MINAR1: variants seen among roughly 807,000 people sequenced by gnomAD.
MINAR1 encodes membrane integral NOTCH2 associated receptor 1.
Under a neutral mutation model 65.1 loss-of-function variants are expected in MINAR1, and 40 were observed. The observed-to-expected ratio is 0.61, with a 90% CI of 0.48 to 0.80. The LOEUF (loss-of-function observed/expected upper bound fraction) is 0.80, where lower values mean the gene tolerates loss of function less well. MINAR1 is among the 30% of genes least tolerant of loss of function. The pLI, the probability that MINAR1 is intolerant of heterozygous loss-of-function variation, is 0.00. For missense variants in MINAR1, 1,128 were observed against 1,148.0 expected, an observed-to-expected ratio of 0.98 and a Z score of 0.25; for synonymous variants, 482 against 449.1, an observed-to-expected ratio of 1.07 and a Z score of -0.93.
intron 1 of MINAR1, among the ~76,000 whole-genome samples, chr15:79,455,141 A>G (rs939837612): frequency 6.6e-6 from 1 of 152,182 alleles, no homozygotes; most frequent in African/African-American, 2.4e-5. Context: ...AATTCTTTCA[A>G]CTTTGCTGTA....
chr15:79,468,547 A>T lies in MINAR1; in HGVS notation c.*163A>T. 1.5e-6 allele frequency: 1 copy of T among 652,106 alleles called. No individual in the cohort carries two copies. The highest frequency in any genetic ancestry group is 2.6e-6 in the Non-Finnish European group (1 of 384,822). The allele number at this position is 652,106 out of a possible 1,614,324, so 40.4% of individuals were successfully genotyped here. ...GTGGTTTTCAGAAAGTATACATTCT[A>T]GTGAGAAATCTACCTACCTATTAGC... On this transcript the variant is annotated 3_prime_UTR_variant, in exon 4 of 4. Coordinates refer to ENST00000305428, the MANE Select transcript of MINAR1 (RefSeq NM_015206.3).
chr15:79,464,712 T>G (rs1176903347), intron 3 of MINAR1, among the ~76,000 whole-genome samples: 1 of 152,170 alleles, frequency 6.6e-6, no homozygotes, highest in Non-Finnish European at 1.5e-5. Flanking sequence ...ACCCTGACAG[T>G]GAGGGTTGTG....
At chr15:79,440,720 C>T (rs1358677524) in intron 1 of MINAR1, among the ~76,000 whole-genome samples, 1 of 152,196 alleles carries the variant, frequency 6.6e-6, no homozygotes. Context: ...CCTTCAGGAC[C>T]ACATTCAAAG....
Position 79,458,336 on chromosome 15 carries a change from C to T in MINAR1, c.2189C>T (p.Pro730Leu). 1.9e-6 allele frequency: 3 copies of T among 1,614,180 alleles called. No homozygotes were observed. The highest frequency in any genetic ancestry group is 2.5e-6 in the Non-Finnish European group (3 of 1,180,042). ...AAAATTGCCAGCATCTCCAACTCGC[C>T]CAGAGACTGGCGCACCATCACTTAT... ...ESKIASISNSPRDWRTITYTN... is the reference protein window; with the variant it reads ...ESKIASISNSLRDWRTITYTN... The change falls in exon 2 of 4, where the codon CCC (proline) becomes CTC (leucine). Residue 730 changes from proline to leucine, a missense_variant. Transcript: ENST00000305428.
intron 1 of MINAR1, among the ~76,000 whole-genome samples, chr15:79,445,019 G>T (rs558456407): frequency 4.7e-4 from 71 of 152,044 alleles, no homozygotes; most frequent in African/African-American, 1.7e-3. Context: ...ATATTTCCTA[G>T]AAATTTTGTT....
intron 1 of MINAR1, among the ~76,000 whole-genome samples, chr15:79,453,853 A>T (rs1332179165): frequency 6.6e-6 from 1 of 152,182 alleles, no homozygotes; most frequent in Non-Finnish European, 1.5e-5. Context: ...GCAAAGTAGG[A>T]TAGAAAGTTG....
At chr15:79,459,744 T>C (rs1258412348) in intron 2 of MINAR1, among the ~76,000 whole-genome samples, 1 of 152,208 alleles carries the variant, frequency 6.6e-6, no homozygotes, top group African/African-American at 2.4e-5. Flanking sequence ...AAAATCCCCC[T>C]GATTTTAAAT....
chr15:79,436,156 G>A (rs1036620724), intron 1 of MINAR1, among the ~76,000 whole-genome samples: 3 of 152,232 alleles, frequency 2.0e-5, no homozygotes, highest in African/African-American at 7.2e-5. Flanking sequence ...TGGACATGTA[G>A]CATTGATAAT....
the MINAR1 span, chr15:79,414,779 G>A: frequency 0.048 from 7,254 of 152,244 alleles, 191 homozygotes; most frequent in South Asian, 0.079. Context: ...TCAGAGATGA[G>A]TAAGACCCGA....
chr15:79,463,572 G>A, intron 3 of MINAR1: 1 of 652,526 alleles, frequency 1.5e-6, no homozygotes, highest in Non-Finnish European at 2.8e-6. Flanking sequence ...TTTTTTATCG[G>A]CCATCTGATT....
At chr15:79,437,771 T>G (rs1296337912) in intron 1 of MINAR1, among the ~76,000 whole-genome samples, 1 of 31,364 alleles carries the variant, frequency 3.2e-5, no homozygotes, top group Admixed American at 4.7e-4. Context: ...GGGGTGTGAG[T>G]GGGGTGGGTA....
intron 3 of MINAR1, 57 bp from the exon 4 acceptor site, chr15:79,468,130 T>C: frequency 6.9e-7 from 1 of 1,438,910 alleles, no homozygotes; most frequent in South Asian, 1.2e-5. Flanking sequence ...TGTCGGGACG[T>C]CTTTGACCTG....
chr15:79,469,729 T>C lies in MINAR1; in HGVS notation c.*1345T>C, dbSNP rs994525800. On this transcript the variant is annotated 3_prime_UTR_variant, in exon 4 of 4. Coordinates refer to ENST00000305428, the MANE Select transcript of MINAR1 (RefSeq NM_015206.3). Reference sequence around the variant, plus strand: ...AATAATGGAACAGAAAGAATCCTTATCAGCATCTGATTCCAATGTCTTGTT... The same window carrying C: ...AATAATGGAACAGAAAGAATCCTTACCAGCATCTGATTCCAATGTCTTGTT... 17 of 152,640 alleles carry C rather than the reference T, an allele frequency of 1.1e-4. No individual in the cohort carries two copies. The highest frequency in any genetic ancestry group is 1.0e-3 in the Admixed American group (16 of 15,286). 9.5% of individuals were successfully genotyped at this position (152,640 alleles called of 1,614,324 possible).
chr15:79,432,440 G>A lies in MINAR1; in HGVS notation c.-151G>A, dbSNP rs1335260001. 1 of 152,312 alleles carries A rather than the reference G, an allele frequency of 6.6e-6. No individual in the cohort carries two copies. Among genetic ancestry groups the A allele is most frequent in the East Asian group, 1.9e-4 (1 of 5,194 alleles). The allele number at this position is 152,312 out of a possible 1,614,324, so 9.4% of individuals were successfully genotyped here. On this transcript the variant is annotated 5_prime_UTR_variant, in exon 1 of 4. Transcript: ENST00000305428. ...GTGACAGTGACCAGCTGACTCTGGA[G>A]CCTACCGGAGGCGCGGCATCGGAGG...
chr15:79,436,804 G>A (rs1344265020), intron 1 of MINAR1, among the ~76,000 whole-genome samples: 2 of 152,180 alleles, frequency 1.3e-5, no homozygotes, highest in African/African-American at 4.8e-5. Context: ...GCCAATGGGA[G>A]CTCACATGAC....
At chr15:79,442,799 A>T (rs1028561228) in intron 1 of MINAR1, among the ~76,000 whole-genome samples, 1 of 152,198 alleles carries the variant, frequency 6.6e-6, no homozygotes, top group Admixed American at 6.5e-5. Flanking sequence ...TACTTATTTT[A>T]AAAAATTAAG....
chr15:79,444,244 T>C (rs571561125), intron 1 of MINAR1, among the ~76,000 whole-genome samples: 1 of 152,332 alleles, frequency 6.6e-6, no homozygotes, highest in South Asian at 2.1e-4. Context: ...CATTATAAAG[T>C]GTTTAAAACC....
chr15:79,463,093 A>C lies in MINAR1; in HGVS notation c.2325A>C (p.Pro775=). ...KEADRQYDIP[P]QHRLPKQPKD... ...CAGACAGGCAGTACGACATTCCCCC[A>C]CAGCACCGACTGCCCAAGCAGCCCA... The change falls in exon 3 of 4, where the codon CCA becomes CCC. Residue 775 remains proline (P), a synonymous_variant. Coordinates refer to ENST00000305428, the MANE Select transcript of MINAR1 (RefSeq NM_015206.3). 1.2e-6 allele frequency: 2 copies of C among 1,613,946 alleles called. No individual in the cohort carries two copies. The highest frequency in any genetic ancestry group is 1.7e-6 in the Non-Finnish European group (2 of 1,179,900).
At chr15:79,450,507 G>T (rs1206254010) in intron 1 of MINAR1, among the ~76,000 whole-genome samples, 2 of 151,154 alleles carry the variant, frequency 1.3e-5, no homozygotes, top group African/African-American at 4.9e-5. Flanking sequence ...ACTTTTCATG[G>T]AATCAGTTTT....
Sources: gnomAD v4.1 joint callset for allele counts (sites outside exome capture counted in the v4.1 genomes callset) on GRCh38, gnomAD v4.1.1 for gene constraint, MANE v1.5 for transcripts, NCBI Gene and HGNC (gene_info 2026-07-23, HGNC 2026-07-21) for gene names.